The following CLASP2 variants were observed in gnomAD, a reference collection of about 807,000 sequenced individuals.
The protein encoded by CLASP2 is cytoplasmic linker associated protein 2.
A neutral mutation model predicts 194.4 loss-of-function variants in CLASP2; 47 were observed. The ratio of observed to expected loss-of-function variants is 0.24; its 90% confidence interval spans 0.19 to 0.31. The LOEUF (loss-of-function observed/expected upper bound fraction) is 0.31. Among genes scored for constraint, CLASP2 ranks in the 10% least tolerant of loss-of-function variants. The pLI is 1.00. For missense variants in CLASP2, 1,445 were observed against 1,823.6 expected, an observed-to-expected ratio of 0.79 and a Z score of 3.78; for synonymous variants, 619 against 633.5, an observed-to-expected ratio of 0.98 and a Z score of 0.34.
At position 33,498,627 on chromosome 3, in the gene CLASP2, T is replaced by C. The variant is rs752755158; in HGVS notation, c.*4A>G. ...AGAGACCTGGTTCGCTGTGATGAGC[T>C]TCACTAACTTTGTCCAGAAACATCA... On this transcript the variant is annotated 3_prime_UTR_variant, in exon 39 of 39. Transcript: ENST00000682230. 1.2e-5 allele frequency: 19 copies of C among 1,602,250 alleles called. No homozygotes were observed. The highest frequency in any genetic ancestry group is 1.7e-5 in the Admixed American group (1 of 59,692).
intron 16 of CLASP2, among the ~76,000 whole-genome samples, chr3:33,606,194 C>T (rs763782669): frequency 6.6e-6 from 1 of 151,416 alleles, no homozygotes; most frequent in African/African-American, 2.4e-5. Context: ...TTAAGCTGTG[C>T]GACAGGTTAG....
At chr3:33,549,395 T>A (rs2059643658) in intron 30 of CLASP2, among the ~76,000 whole-genome samples, 1 of 152,234 alleles carries the variant, frequency 6.6e-6, no homozygotes, top group African/African-American at 2.4e-5. Context: ...TTGAGCTTTA[T>A]CCCATACATT....
At chr3:33,526,203 T>G (rs2054521039) in intron 34 of CLASP2, among the ~76,000 whole-genome samples, 1 of 151,932 alleles carries the variant, frequency 6.6e-6, no homozygotes, top group South Asian at 2.1e-4. Context: ...GAACTCCTGG[T>G]GTCAAGTGAT....
intron 27 of CLASP2, among the ~76,000 whole-genome samples, chr3:33,561,408 G>T (rs1240673380): frequency 6.6e-6 from 1 of 152,162 alleles, no homozygotes; most frequent in Non-Finnish European, 1.5e-5. Flanking sequence ...AAATTTATCT[G>T]GCATAATAGA....
chr3:33,554,225 CAA>C (rs58168943), intron 29 of CLASP2, among the ~76,000 whole-genome samples: 29 of 88,864 alleles, frequency 3.3e-4, no homozygotes, highest in African/African-American at 9.3e-4. Context: ...GAAACTGTCT[CAA>C]AAAAAAAAAA....
chr3:33,629,856 A>C lies in CLASP2; in HGVS notation c.942+2436T>G, dbSNP rs111500519. Among the ~76,000 whole-genome samples the C allele has an allele frequency of 6.6e-5, 10 of 152,246 alleles. 1 individual carries two copies. Among genetic ancestry groups the C allele is most frequent in the African/African-American group, 1.9e-4 (8 of 41,560 alleles). ...ATAATATGTACAGTCCTACTGCAAG[A>C]AACCATGGTTATCAAAGCTTAGATA... is the stretch of plus-strand genomic sequence containing the variant. On this transcript the variant is annotated intron_variant, in intron 9 of 38. Transcript: ENST00000682230.
chr3:33,527,815 T>G (rs559847805), intron 34 of CLASP2, among the ~76,000 whole-genome samples: 1 of 151,890 alleles, frequency 6.6e-6, no homozygotes, highest in East Asian at 1.9e-4. Flanking sequence ...TACAAAAAAT[T>G]AGCCAGACGT....
chr3:33,566,213 C>T (rs2062711999), intron 27 of CLASP2, among the ~76,000 whole-genome samples: 1 of 152,190 alleles, frequency 6.6e-6, no homozygotes, highest in African/African-American at 2.4e-5. Context: ...TAGTGATTCA[C>T]ATGTTCTTTC....
chr3:33,657,756 C>T (rs993522841), intron 7 of CLASP2, among the ~76,000 whole-genome samples: 5 of 151,978 alleles, frequency 3.3e-5, no homozygotes, highest in African/African-American at 7.2e-5. Flanking sequence ...TAAATCATAA[C>T]GATATGCCAA....
At chr3:33,678,637 A>T (rs2154341970) in intron 6 of CLASP2, among the ~76,000 whole-genome samples, 1 of 152,346 alleles carries the variant, frequency 6.6e-6, no homozygotes, top group East Asian at 1.9e-4. Context: ...AGAAATGTTA[A>T]AAAGGAGTTC....
chr3:33,545,447 G>C (rs1367010515), intron 30 of CLASP2, among the ~76,000 whole-genome samples: 1 of 152,038 alleles, frequency 6.6e-6, no homozygotes, highest in Non-Finnish European at 1.5e-5. Flanking sequence ...CTTCATTTTG[G>C]ACTTTTCTGA....
At chr3:33,681,954 CTT>C (rs2089924814) in intron 6 of CLASP2, among the ~76,000 whole-genome samples, 1 of 152,186 alleles carries the variant, frequency 6.6e-6, no homozygotes, top group African/African-American at 2.4e-5. Flanking sequence ...GAGCCTGACT[CTT>C]GTTCTCTAGC....
chr3:33,700,929 T>C (rs2154352950), intron 1 of CLASP2, among the ~76,000 whole-genome samples: 1 of 152,296 alleles, frequency 6.6e-6, no homozygotes, highest in East Asian at 1.9e-4. Context: ...CTGTATCATT[T>C]ACAAAACTAA....
At chr3:33,671,497 GC>G (rs2154337982) in intron 6 of CLASP2, among the ~76,000 whole-genome samples, 1 of 152,310 alleles carries the variant, frequency 6.6e-6, no homozygotes, top group Non-Finnish European at 1.5e-5. Context: ...CTGGTCTACA[GC>G]TCCCAGCGTG....
intron 8 of CLASP2, among the ~76,000 whole-genome samples, chr3:33,637,489 A>G (rs925280287): frequency 1.3e-5 from 2 of 152,172 alleles, no homozygotes; most frequent in African/African-American, 4.8e-5. Flanking sequence ...AGCCGAGATC[A>G]TGCCTCTGCA....
In CLASP2 at chr3:33,517,131, C is replaced by T. The variant is rs187121803; in HGVS notation, c.3831G>A (p.Lys1277=). The change falls in exon 35 of 39, where the codon AAG becomes AAA. Residue 1277 remains lysine, a synonymous_variant. Transcript: ENST00000682230. ...DHSDLVAELL[K]ELSNHNERVE... Reference sequence around the variant, plus strand: ...CACGCTCATTATGGTTAGACAGCTCCTTCAACAACTCTGCAACTAGGTCAG... The same window carrying T: ...CACGCTCATTATGGTTAGACAGCTCTTTCAACAACTCTGCAACTAGGTCAG... The T allele has an allele frequency of 8.7e-5, 140 of 1,613,320 alleles. No individual in the cohort carries two copies. The highest frequency in any genetic ancestry group is 5.9e-6 in the Non-Finnish European group (7 of 1,179,672).
chr3:33,718,064 A>G lies in CLASP2; in HGVS notation c.-62T>C. ...GGCCAACTTTCGCCGAGAGCCGCCCAGCCTCCAGTGCGGGTCCCCGCGGGA... is the reference window on the plus strand; with the variant it reads ...GGCCAACTTTCGCCGAGAGCCGCCCGGCCTCCAGTGCGGGTCCCCGCGGGA... On this transcript the variant is annotated 5_prime_UTR_variant, in exon 1 of 39. Coordinates refer to ENST00000682230, the MANE Select transcript of CLASP2 (RefSeq NM_001365631.1). The G allele has an allele frequency of 1.4e-6, 2 of 1,428,696 alleles. No individual in the cohort carries two copies. The highest frequency in any genetic ancestry group is 1.8e-6 in the Non-Finnish European group (2 of 1,095,992). 88.5% of individuals were successfully genotyped at this position (1,428,696 alleles called of 1,614,324 possible). A position where few individuals can be genotyped will look rare whatever the true frequency, so the allele number is the denominator to read the frequency against.
chr3:33,533,875 C>T (rs1306943088), intron 34 of CLASP2, among the ~76,000 whole-genome samples: 1 of 152,028 alleles, frequency 6.6e-6, no homozygotes, highest in African/African-American at 2.4e-5. Context: ...TGCCACCACG[C>T]CCAGCTAATT....
intron 6 of CLASP2, among the ~76,000 whole-genome samples, chr3:33,680,198 AGAGG>A (rs1257058602): frequency 6.6e-6 from 1 of 152,244 alleles, no homozygotes; most frequent in Non-Finnish European, 1.5e-5. Flanking sequence ...GGATTAGGCC[AGAGG>A]GAGGGATAAA....
Sources: gnomAD v4.1 joint callset for allele counts (sites outside exome capture counted in the v4.1 genomes callset) on GRCh38, gnomAD v4.1.1 for gene constraint, MANE v1.5 for transcripts, NCBI Gene and HGNC (gene_info 2026-07-23, HGNC 2026-07-21) for gene names.